FOXN3: variants seen among roughly 807,000 people sequenced by gnomAD.
FOXN3 encodes the protein forkhead box N3, also known as forkhead box protein N3.
FOXN3 carries 7 observed loss-of-function variants against 38.4 expected under a neutral mutation model. The observed-to-expected ratio is 0.18, with a 90% CI of 0.10 to 0.34. The LOEUF is 0.34. Among genes scored for constraint, FOXN3 ranks in the 10% least tolerant of loss-of-function variants. The pLI is 1.00. For missense variants in FOXN3, 456 were observed against 613.4 expected (o/e 0.74, Z 2.71); for synonymous variants, 230 against 242.2 (o/e 0.95, Z 0.47).
At chr14:89,600,672 G>A (rs1304697626) in intron 1 of FOXN3, among the ~76,000 whole-genome samples, 1 of 152,118 alleles carries the variant, frequency 6.6e-6, no homozygotes, top group Non-Finnish European at 1.5e-5. Flanking sequence ...CTCATTGTGG[G>A]AAGAGACTAC....
intron 2 of FOXN3, among the ~76,000 whole-genome samples, chr14:89,365,633 T>C (rs1890117434): frequency 6.6e-6 from 1 of 152,168 alleles, no homozygotes; most frequent in Admixed American, 6.5e-5. Context: ...TTCTTCTCCA[T>C]CTGAAACCTC....
intron 4 of FOXN3, among the ~76,000 whole-genome samples, chr14:89,277,539 C>T (rs1468745520): frequency 1.3e-5 from 2 of 152,170 alleles, no homozygotes; most frequent in Admixed American, 1.3e-4. Context: ...AAATCTTACC[C>T]CATTATCCTC....
At chr14:89,261,290 T>C (rs1035062540) in intron 4 of FOXN3, among the ~76,000 whole-genome samples, 4 of 152,192 alleles carry the variant, frequency 2.6e-5, no homozygotes, top group Admixed American at 6.5e-5. Context: ...GATCTATCAC[T>C]GTGGGTCTGA....
intron 1 of FOXN3, among the ~76,000 whole-genome samples, chr14:89,489,530 T>A (rs571888944): frequency 4.6e-4 from 70 of 152,316 alleles, no homozygotes; most frequent in African/African-American, 1.2e-3. Context: ...AATTAAAAAA[T>A]TTTTTTATAT....
chr14:89,481,522 C>T (rs529234436), intron 1 of FOXN3, among the ~76,000 whole-genome samples: 36 of 152,144 alleles, frequency 2.4e-4, no homozygotes, highest in African/African-American at 8.4e-4. Context: ...GAAGTGGGGC[C>T]CCATGAGGTC....
rs1209954803 is a variant in FOXN3 at position 89,548,066 on chromosome 14, T to C, written c.-15+70962A>G. 6.6e-6 allele frequency among the ~76,000 whole-genome samples: 1 copy of C among 152,220 alleles called. No homozygotes were observed. Among genetic ancestry groups the C allele is most frequent in the African/African-American group, 2.4e-5 (1 of 41,452 alleles). On this transcript the variant is annotated intron_variant, in intron 1 of 6. Coordinates refer to the FOXN3 transcript ENST00000345097. The surrounding 1 kb of genome is among the most constrained non-coding windows in gnomAD (Gnocchi z 4.8). ...CTTGTTCAAAGACAGCATTCAACACTGGACACACCTCTGTTCAATTATTCA... is the reference window on the plus strand; with the variant it reads ...CTTGTTCAAAGACAGCATTCAACACCGGACACACCTCTGTTCAATTATTCA...
intron 2 of FOXN3, among the ~76,000 whole-genome samples, chr14:89,393,445 A>G (rs545824594): frequency 5.3e-4 from 80 of 152,378 alleles, no homozygotes; most frequent in Non-Finnish European, 1.3e-4. Context: ...GAGTGCCACA[A>G]GACATCCAGC....
intron 2 of FOXN3, among the ~76,000 whole-genome samples, chr14:89,391,186 G>A (rs1350449430): frequency 1.3e-5 from 2 of 152,206 alleles, no homozygotes; most frequent in Non-Finnish European, 2.9e-5. Flanking sequence ...ACTGACCTTG[G>A]TTTTCAAGGG....
At chr14:89,394,186 A>C (rs1891039060) in intron 2 of FOXN3, among the ~76,000 whole-genome samples, 1 of 149,686 alleles carries the variant, frequency 6.7e-6, no homozygotes, top group South Asian at 2.1e-4. Flanking sequence ...CTAACTCCCA[A>C]CACCACCACA....
At chr14:89,341,342 G>C (rs75713688) in intron 3 of FOXN3, among the ~76,000 whole-genome samples, 3,644 of 152,270 alleles carry the variant, frequency 0.024, 139 homozygotes, top group African/African-American at 0.083. Context: ...CTCTCTGATG[G>C]TGAGGATGGC....
chr14:89,513,681 G>A (rs1051961565), intron 1 of FOXN3, among the ~76,000 whole-genome samples: 2 of 151,992 alleles, frequency 1.3e-5, no homozygotes, highest in Non-Finnish European at 2.9e-5. Flanking sequence ...CACAACCTCC[G>A]CCTCCTGGGT....
intron 4 of FOXN3, among the ~76,000 whole-genome samples, chr14:89,208,623 G>A (rs207475131): frequency 6.6e-6 from 1 of 152,030 alleles, no homozygotes; most frequent in Admixed American, 6.5e-5. Context: ...GCAATATCTC[G>A]AGCTCCTACA....
chr14:89,601,342 TTG>T lies in FOXN3; in HGVS notation c.-15+17684_-15+17685del, dbSNP rs948659801. Among the ~76,000 whole-genome samples, 231 of 152,336 alleles carry T rather than the reference TTG, an allele frequency of 1.5e-3. 2 individuals carry two copies. The highest frequency in any genetic ancestry group is 5.4e-3 in the African/African-American group (224 of 41,572). ...CATATAAAGTAATTTGCCACATGCATTGTGTTTGCATCCTAGCAAGTGGATAA... is the reference window on the plus strand; with the variant it reads ...CATATAAAGTAATTTGCCACATGCATTGTTTGCATCCTAGCAAGTGGATAA... On this transcript the variant is annotated intron_variant, in intron 1 of 6. Transcript: ENST00000345097.
chr14:89,506,540 G>C (rs1227404850), intron 1 of FOXN3, among the ~76,000 whole-genome samples: 1 of 150,966 alleles, frequency 6.6e-6, no homozygotes, highest in East Asian at 2.0e-4. Flanking sequence ...CACCCCGTCC[G>C]GGAGGTGAGG....
chr14:89,167,308 ATTTG>A (rs1406318706), intron 5 of FOXN3, among the ~76,000 whole-genome samples: 2 of 152,232 alleles, frequency 1.3e-5, no homozygotes, highest in Non-Finnish European at 2.9e-5. Flanking sequence ...TTGTTTGTTC[ATTTG>A]TTTAACCAAT....
At chr14:89,198,755 G>A (rs758103718) in intron 4 of FOXN3, among the ~76,000 whole-genome samples, 5 of 152,196 alleles carry the variant, frequency 3.3e-5, no homozygotes, top group Non-Finnish European at 7.3e-5. Context: ...CACAAAGAAC[G>A]ATCCAGTCCA....
intron 4 of FOXN3, among the ~76,000 whole-genome samples, chr14:89,209,885 G>A (rs149929318): frequency 3.3e-5 from 5 of 152,258 alleles, no homozygotes; most frequent in African/African-American, 7.2e-5. Context: ...ATACCAATGC[G>A]GATGCACTGA....
At chr14:89,582,319 C>T (rs1402807674) in intron 1 of FOXN3, among the ~76,000 whole-genome samples, 2 of 152,170 alleles carry the variant, frequency 1.3e-5, no homozygotes, top group African/African-American at 4.8e-5. Context: ...CCAGTCCCTT[C>T]TCCAAGGTTC....
rs551452947 is a variant in FOXN3, at chr14:89,337,313, G to A, written c.680+13359C>T. Among the ~76,000 whole-genome samples, 7 of 152,292 alleles carry A rather than the reference G, an allele frequency of 4.6e-5. No homozygotes were observed. In the South Asian group the frequency reaches 1.5e-3, roughly 32 times the overall value. ...AGAAAAGCAAGATTGGGAGCTGGGAGGAGCCGGGCTTTGTTCTCATCAAAG... is the reference window on the plus strand; with the variant it reads ...AGAAAAGCAAGATTGGGAGCTGGGAAGAGCCGGGCTTTGTTCTCATCAAAG... On this transcript the variant is annotated intron_variant, in intron 3 of 5. Transcript: ENST00000557258.
Sources: gnomAD v4.1 joint callset for allele counts (sites outside exome capture counted in the v4.1 genomes callset) on GRCh38, gnomAD v4.1.1 for gene constraint, Gnocchi (gnomAD v3.1) non-coding constraint, MANE v1.5 for transcripts, NCBI Gene and HGNC (gene_info 2026-07-23, HGNC 2026-07-21) for gene names.